Variants in CCSER1 observed in about 807,000 individuals in gnomAD.
CCSER1 encodes serine-rich coiled-coil domain-containing protein 1.
CCSER1 carries 41 observed loss-of-function variants against 82.0 expected under a neutral mutation model. The observed-to-expected ratio is 0.50, with a 90% CI of 0.39 to 0.65. The LOEUF (loss-of-function observed/expected upper bound fraction) is 0.65, where lower values mean the gene tolerates loss of function less well. CCSER1 is among the 30% of genes least tolerant of loss of function. The probability of loss-of-function intolerance (pLI) is 0.00; values close to 1 mark genes in which losing one functional copy is unlikely to be tolerated. For synonymous variants in CCSER1, 414 were observed against 383.9 expected, an observed-to-expected ratio of 1.08 and a Z score of -0.92; for missense variants, 1,119 against 1,064.2, an observed-to-expected ratio of 1.05 and a Z score of -0.72.
At chr4:90,388,541 C>T (rs1191943383) in intron 3 of CCSER1, among the ~76,000 whole-genome samples, 1 of 152,136 alleles carries the variant, frequency 6.6e-6, no homozygotes, top group African/African-American at 2.4e-5. Flanking sequence ...AACTCCTGAC[C>T]TCAGGAGATC....
At chr4:91,535,638 G>A (rs893115639) in intron 10 of CCSER1, among the ~76,000 whole-genome samples, 7 of 151,466 alleles carry the variant, frequency 4.6e-5, no homozygotes, top group African/African-American at 1.7e-4. Context: ...TTTAAAATCA[G>A]TAAATAAAAT....
At chr4:90,242,422 T>C (rs1720514215) in intron 1 of CCSER1, among the ~76,000 whole-genome samples, 1 of 152,106 alleles carries the variant, frequency 6.6e-6, no homozygotes, top group South Asian at 2.1e-4. Flanking sequence ...CTGTTGATAT[T>C]TTTTATACTA....
At chr4:90,575,033 CTT>C (rs1369473945) in intron 5 of CCSER1, among the ~76,000 whole-genome samples, 1 of 152,110 alleles carries the variant, frequency 6.6e-6, no homozygotes, top group Non-Finnish European at 1.5e-5. Flanking sequence ...GTTTTTGTCT[CTT>C]TATACACCAC....
At chr4:91,168,359 C>T (rs537151294) in intron 10 of CCSER1, among the ~76,000 whole-genome samples, 3 of 146,468 alleles carry the variant, frequency 2.0e-5, no homozygotes, top group South Asian at 4.4e-4. Context: ...GCGCCTCTGC[C>T]CAGCCACCCC....
At chr4:91,299,557 G>T (rs941158933) in intron 10 of CCSER1, among the ~76,000 whole-genome samples, 1 of 151,886 alleles carries the variant, frequency 6.6e-6, no homozygotes, top group African/African-American at 2.4e-5. Context: ...TAGAGGTAGT[G>T]ACAACTGAGA....
intron 9 of CCSER1, among the ~76,000 whole-genome samples, chr4:91,073,041 A>G (rs1024332537): frequency 2.6e-5 from 4 of 152,108 alleles, no homozygotes; most frequent in Admixed American, 1.3e-4. Flanking sequence ...CCTGAAAATA[A>G]TGACATATAT....
intron 9 of CCSER1, among the ~76,000 whole-genome samples, chr4:90,986,394 G>A (rs1256070793): frequency 6.6e-6 from 1 of 151,794 alleles, no homozygotes; most frequent in Non-Finnish European, 1.5e-5. Context: ...TAGTCTGAAA[G>A]TTTGAATGTC....
chr4:91,088,317 G>A (rs887821638), intron 10 of CCSER1, among the ~76,000 whole-genome samples: 3 of 152,060 alleles, frequency 2.0e-5, no homozygotes, highest in Non-Finnish European at 2.9e-5. Context: ...TTTATAAGAA[G>A]ATTTAAGAAG....
chr4:90,346,955 T>G (rs987217941), intron 3 of CCSER1, among the ~76,000 whole-genome samples: 4 of 152,128 alleles, frequency 2.6e-5, no homozygotes, highest in African/African-American at 9.7e-5. Flanking sequence ...AAACTTCCCA[T>G]GAATTAAAGT....
intron 5 of CCSER1, among the ~76,000 whole-genome samples, chr4:90,485,344 C>G (rs774723269): frequency 1.3e-5 from 2 of 152,206 alleles, no homozygotes; most frequent in Non-Finnish European, 2.9e-5. Flanking sequence ...ATGCCTCGCT[C>G]TGCTTCGGTT....
At chr4:90,245,921 G>T (rs1371729541) in intron 1 of CCSER1, among the ~76,000 whole-genome samples, 1 of 152,148 alleles carries the variant, frequency 6.6e-6, no homozygotes, top group East Asian at 1.9e-4. Flanking sequence ...CCTTTTGTGT[G>T]TTTGTTTTCT....
chr4:91,551,078 G>C (rs1250617221), intron 10 of CCSER1, among the ~76,000 whole-genome samples: 2 of 151,804 alleles, frequency 1.3e-5, no homozygotes, highest in Non-Finnish European at 2.9e-5. Context: ...ATATTTCTAG[G>C]GGCATGGGCA....
rs752296453 is a variant in CCSER1 at position 90,723,641 on chromosome 4, A to T, written c.1933-273A>T. Among the ~76,000 whole-genome samples the T allele has an allele frequency of 1.6e-4, 25 of 151,858 alleles. 1 individual carries two copies. Among genetic ancestry groups the T allele is most frequent in the Non-Finnish European group, 2.7e-4 (18 of 67,844 alleles). ...TTAAGCAATGATGATAATAAATACC[A>T]CCCTAACACAAAAAATGGCCATTAT... On this transcript the variant is annotated intron_variant, in intron 6 of 10. Coordinates refer to ENST00000509176, the MANE Select transcript of CCSER1 (RefSeq NM_001145065.2).
At chr4:90,212,142 A>G (rs1740132830) in intron 1 of CCSER1, among the ~76,000 whole-genome samples, 1 of 152,194 alleles carries the variant, frequency 6.6e-6, no homozygotes, top group Non-Finnish European at 1.5e-5. Context: ...CTTATAGTCC[A>G]GAGATTTTTA....
chr4:91,178,570 C>T (rs930467629), intron 10 of CCSER1, among the ~76,000 whole-genome samples: 4 of 152,192 alleles, frequency 2.6e-5, no homozygotes, highest in East Asian at 1.9e-4. Context: ...TAATGGCCTT[C>T]CTTCTCTTTT....
chr4:90,559,808 T>TAAAAA (rs1778534671), intron 5 of CCSER1, among the ~76,000 whole-genome samples: 1 of 31,158 alleles, frequency 3.2e-5, no homozygotes, highest in African/African-American at 4.0e-4. Flanking sequence ...AGACTCCGTC[T>TAAAAA]CAAAAAAAAA....
chr4:90,731,570 T>C (rs572359457), intron 7 of CCSER1, among the ~76,000 whole-genome samples: 1 of 152,154 alleles, frequency 6.6e-6, no homozygotes, highest in African/African-American at 2.4e-5. Context: ...ATAAAATTCT[T>C]TGAGGGATAG....
intron 8 of CCSER1, among the ~76,000 whole-genome samples, chr4:90,826,945 G>T (rs575238190): frequency 2.0e-5 from 3 of 152,266 alleles, no homozygotes; most frequent in Non-Finnish European, 4.4e-5. Flanking sequence ...CCCCAGAAGT[G>T]GGGGGTCTTT....
intron 3 of CCSER1, among the ~76,000 whole-genome samples, chr4:90,319,051 C>A (rs1218309748): frequency 6.6e-6 from 1 of 152,108 alleles, no homozygotes; most frequent in Non-Finnish European, 1.5e-5. Flanking sequence ...TCCTGTTTCC[C>A]AGCTTTGTCT....
Sources: gnomAD v4.1 joint callset for allele counts (sites outside exome capture counted in the v4.1 genomes callset) on GRCh38, gnomAD v4.1.1 for gene constraint, MANE v1.5 for transcripts, NCBI Gene and HGNC (gene_info 2026-07-23, HGNC 2026-07-21) for gene names.